GAS2: variants seen among roughly 807,000 people sequenced by gnomAD.
GAS2 encodes the protein growth arrest-specific protein 2.
GAS2 carries 20 observed loss-of-function variants against 37.5 expected under a neutral mutation model. The observed-to-expected ratio is 0.53, with a 90% confidence interval of 0.37 to 0.77. GAS2 has a LOEUF of 0.77. Ranked by LOEUF, GAS2 falls within the 30% of genes least tolerant of loss-of-function variation. GAS2 has a pLI of 0.00. For synonymous variants in GAS2, 144 were observed against 132.2 expected (o/e 1.09, Z -0.61); for missense variants, 336 against 373.4 (o/e 0.90, Z 0.82).
At chr11:22,735,673 G>A (rs1852714694) in intron 4 of GAS2, among the ~76,000 whole-genome samples, 1 of 151,940 alleles carries the variant, frequency 6.6e-6, no homozygotes, top group Admixed American at 6.6e-5. Flanking sequence ...TTTTTCTTCA[G>A]AATGAATTTG....
chr11:22,787,520 TG>T (rs1180065212), intron 7 of GAS2, among the ~76,000 whole-genome samples: 1 of 150,392 alleles, frequency 6.6e-6, no homozygotes, highest in Non-Finnish European at 1.5e-5. Context: ...ATTAAATATT[TG>T]TTACTTTCAC....
At chr11:22,697,038 T>C (rs913267290) in intron 3 of GAS2, among the ~76,000 whole-genome samples, 3 of 151,908 alleles carry the variant, frequency 2.0e-5, no homozygotes, top group African/African-American at 7.3e-5. Flanking sequence ...TCCTGAATGG[T>C]AATGCCTAGG....
chr11:22,657,320 G>A (rs1848867125), intron 1 of GAS2, among the ~76,000 whole-genome samples: 1 of 152,140 alleles, frequency 6.6e-6, no homozygotes, highest in African/African-American at 2.4e-5. Flanking sequence ...AGCTATGTAT[G>A]GCAAACAAGG....
At chr11:22,703,856 T>C (rs1363009640) in intron 3 of GAS2, among the ~76,000 whole-genome samples, 1 of 152,146 alleles carries the variant, frequency 6.6e-6, no homozygotes, top group Non-Finnish European at 1.5e-5. Flanking sequence ...AGTATGTGTT[T>C]TGTGTTTATA....
chr11:22,764,766 T>C (rs1854597405), intron 7 of GAS2, among the ~76,000 whole-genome samples: 1 of 152,090 alleles, frequency 6.6e-6, no homozygotes, highest in Non-Finnish European at 1.5e-5. Flanking sequence ...AATAAATAAA[T>C]AGAAGCTCAA....
intron 3 of GAS2, among the ~76,000 whole-genome samples, chr11:22,716,316 A>G (rs1851674675): frequency 6.6e-6 from 1 of 152,170 alleles, no homozygotes; most frequent in African/African-American, 2.4e-5. Flanking sequence ...TAGTACTGGA[A>G]GTCCTAGCCA....
chr11:22,699,539 T>C (rs576449729), intron 3 of GAS2, among the ~76,000 whole-genome samples: 1 of 152,262 alleles, frequency 6.6e-6, no homozygotes, highest in African/African-American at 2.4e-5. Flanking sequence ...TTATGCAGCA[T>C]AGATACACAG....
intron 3 of GAS2, among the ~76,000 whole-genome samples, chr11:22,715,827 T>A (rs1053096940): frequency 3.9e-5 from 6 of 152,204 alleles, no homozygotes; most frequent in African/African-American, 1.2e-4. Context: ...AGAGCTAATC[T>A]TCCCTAAATC....
At chr11:22,735,269 A>G (rs1453609307) in intron 4 of GAS2, among the ~76,000 whole-genome samples, 1 of 111,348 alleles carries the variant, frequency 9.0e-6, no homozygotes, top group South Asian at 2.8e-4. Flanking sequence ...CAGGCTTGGT[A>G]TATTCGTATT....
rs551977511 is a variant in GAS2 at position 22,709,722 on chromosome 11, C to T, written c.268-16570C>T. ...AAGACACATGCACACGTATGTTTATCGTGGCACTATTCACAATAGCAAAGA... is the reference window on the plus strand; with the variant it reads ...AAGACACATGCACACGTATGTTTATTGTGGCACTATTCACAATAGCAAAGA... On this transcript the variant is annotated intron_variant, in intron 3 of 7. Coordinates refer to ENST00000454584, the MANE Select transcript of GAS2 (RefSeq NM_001143830.3). 3.1e-3 allele frequency among the ~76,000 whole-genome samples: 474 copies of T among 152,150 alleles called. 2 individuals carry two copies. The highest frequency in any genetic ancestry group is 0.024 in the Middle Eastern group (7 of 294).
At chr11:22,693,052 A>C (rs1452792670) in intron 3 of GAS2, among the ~76,000 whole-genome samples, 1 of 152,148 alleles carries the variant, frequency 6.6e-6, no homozygotes, top group African/African-American at 2.4e-5. Flanking sequence ...GTATTTTATG[A>C]AACCGTCTGG....
intron 7 of GAS2, among the ~76,000 whole-genome samples, chr11:22,768,070 G>A (rs575987895): frequency 2.0e-5 from 3 of 152,266 alleles, no homozygotes; most frequent in South Asian, 4.1e-4. Context: ...CTGAAATGGT[G>A]TATTAACATT....
intron 7 of GAS2, among the ~76,000 whole-genome samples, chr11:22,770,997 A>G (rs1854949204): frequency 6.6e-6 from 1 of 152,180 alleles, no homozygotes; most frequent in Non-Finnish European, 1.5e-5. Context: ...TTACTTAGAT[A>G]ATTAGTGGGC....
intron 7 of GAS2, among the ~76,000 whole-genome samples, chr11:22,772,471 G>T (rs1267030826): frequency 1.3e-5 from 2 of 152,078 alleles, no homozygotes; most frequent in South Asian, 2.1e-4. Context: ...TTTTAAAGGG[G>T]TGTGTGTATT....
intron 5 of GAS2, among the ~76,000 whole-genome samples, chr11:22,743,878 C>T (rs1266047363): frequency 6.6e-6 from 1 of 151,868 alleles, no homozygotes; most frequent in Non-Finnish European, 1.5e-5. Flanking sequence ...GAAAGGATAC[C>T]AAGATTGATG....
chr11:22,757,335 A>T (rs1031883862), intron 7 of GAS2, among the ~76,000 whole-genome samples: 2 of 152,018 alleles, frequency 1.3e-5, no homozygotes, highest in Non-Finnish European at 2.9e-5. Context: ...TTGATATTCC[A>T]TTTTTCTTTT....
chr11:22,664,811 A>C (rs1044875648), upstream of GAS2, among the ~76,000 whole-genome samples: 1 of 152,170 alleles, frequency 6.6e-6, no homozygotes, highest in African/African-American at 2.4e-5. Flanking sequence ...ATGCTAAAAA[A>C]ATTAAAATAA....
intron 4 of GAS2, among the ~76,000 whole-genome samples, chr11:22,736,376 AG>A (rs1852756468): frequency 6.6e-6 from 1 of 152,016 alleles, no homozygotes; most frequent in African/African-American, 2.4e-5. Flanking sequence ...CCTGCAATTC[AG>A]ATTTTCCATA....
At chr11:22,689,898 G>A (rs553169805) in intron 3 of GAS2, among the ~76,000 whole-genome samples, 1 of 152,292 alleles carries the variant, frequency 6.6e-6, no homozygotes, top group Admixed American at 6.5e-5. Context: ...CAGAAAAAAT[G>A]GTGGCGAAAA....
Sources: gnomAD v4.1 joint callset for allele counts (sites outside exome capture counted in the v4.1 genomes callset) on GRCh38, gnomAD v4.1.1 for gene constraint, MANE v1.5 for transcripts, NCBI Gene and HGNC (gene_info 2026-07-23, HGNC 2026-07-21) for gene names.